The following NRXN1 variants were observed in gnomAD, a reference collection of about 807,000 sequenced individuals.
NRXN1 encodes the protein neurexin-1.
NRXN1 carries 39 observed loss-of-function variants against 150.9 expected under a neutral mutation model. The ratio of observed to expected loss-of-function variants is 0.26; its 90% confidence interval spans 0.20 to 0.34. The LOEUF (loss-of-function observed/expected upper bound fraction) is 0.34, where lower values mean the gene tolerates loss of function less well. Among genes scored for constraint, NRXN1 ranks in the 10% least tolerant of loss-of-function variants. The pLI is 1.00. For missense variants in NRXN1, 1,815 were observed against 1,949.9 expected, an observed-to-expected ratio of 0.93 and a Z score of 1.30; for synonymous variants, 924 against 757.0, an observed-to-expected ratio of 1.22 and a Z score of -3.62.
intron 15 of NRXN1, among the ~76,000 whole-genome samples, chr2:50,487,414 T>C (rs1352690526): frequency 6.6e-6 from 1 of 152,212 alleles, no homozygotes; most frequent in Non-Finnish European, 1.5e-5. Flanking sequence ...ATTCATGTGA[T>C]GTCAATGGGG....
chr2:50,614,640 A>AATAT lies in NRXN1; in HGVS notation c.1320+5378_1320+5381dup, dbSNP rs67833688. On this transcript the variant is annotated intron_variant, in intron 8 of 22. Coordinates refer to ENST00000401669, the MANE Select transcript of NRXN1 (RefSeq NM_001330078.2). ...ACCCTAGAACTTAAAGTATAATAAA[A>AATAT]ATATATATATATATATATAAAATAA... Among the ~76,000 whole-genome samples the AATAT allele has an allele frequency of 3.5e-4, 50 of 143,320 alleles. 1 individual carries two copies. Among genetic ancestry groups the AATAT allele is most frequent in the East Asian group, 2.2e-3 (11 of 4,944 alleles). The allele number at this position is 143,320 out of a possible 152,430, so 94.0% of individuals were successfully genotyped here.
chr2:50,514,639 T>A (rs2092571634), intron 12 of NRXN1, among the ~76,000 whole-genome samples: 1 of 152,192 alleles, frequency 6.6e-6, no homozygotes, highest in South Asian at 2.1e-4. Context: ...ACTTTACTAT[T>A]GCAATGTAAA....
intron 5 of NRXN1, among the ~76,000 whole-genome samples, chr2:50,689,486 C>G (rs1380212403): frequency 6.6e-6 from 1 of 152,126 alleles, no homozygotes; most frequent in Non-Finnish European, 1.5e-5. Flanking sequence ...CCTTTAAATT[C>G]TCTGTATAAA....
At chr2:50,565,588 G>A (rs1669722059) in intron 8 of NRXN1, among the ~76,000 whole-genome samples, 1 of 151,820 alleles carries the variant, frequency 6.6e-6, no homozygotes, top group Non-Finnish European at 1.5e-5. Context: ...AGTCCTAAAT[G>A]CACATATATA....
At chr2:50,808,351 A>G (rs1047674986) in intron 5 of NRXN1, among the ~76,000 whole-genome samples, 6 of 152,150 alleles carry the variant, frequency 3.9e-5, no homozygotes, top group African/African-American at 1.4e-4. Flanking sequence ...TTTTCTCAAA[A>G]GGCTAATATA....
Position 50,497,413 on chromosome 2 carries a change from G to T in NRXN1, c.2799C>A (p.Phe933Leu). Reference sequence around the variant, plus strand: ...TTAATCCATCTAGGGATGTTGTCTTGAACTGGAAAAAAAGATGCATAGAAG... The same window carrying T: ...TTAATCCATCTAGGGATGTTGTCTTTAACTGGAAAAAAAGATGCATAGAAG... ...AYTSMHLFFQ[F>L]KTTSLDGLIL... Residue 933 changes from phenylalanine to leucine, a missense_variant, in exon 14 of 23, where the codon TTC (phenylalanine) becomes TTA (leucine). This residue lies in a region of NRXN1 where 339 missense variants were observed against 440.3 expected (regional missense o/e 0.77). Coordinates refer to ENST00000401669, the MANE Select transcript of NRXN1 (RefSeq NM_001330078.2). 1 of 1,608,224 alleles carries T rather than the reference G, an allele frequency of 6.2e-7. No individual in the cohort carries two copies. Among genetic ancestry groups the T allele is most frequent in the Non-Finnish European group, 8.5e-7 (1 of 1,176,716 alleles).
At chr2:50,075,847 T>G (rs1338432578) in intron 19 of NRXN1, among the ~76,000 whole-genome samples, 1 of 151,430 alleles carries the variant, frequency 6.6e-6, no homozygotes, top group Non-Finnish European at 1.5e-5. Context: ...TACATGCACA[T>G]GACTTGGAGA....
intron 16 of NRXN1, among the ~76,000 whole-genome samples, chr2:50,467,260 G>C (rs2088986773): frequency 6.6e-6 from 1 of 151,548 alleles, no homozygotes; most frequent in African/African-American, 2.4e-5. Context: ...AACTGTTACA[G>C]TAAAACCTCA....
intron 12 of NRXN1, among the ~76,000 whole-genome samples, chr2:50,516,717 T>A (rs1037261276): frequency 2.0e-5 from 3 of 151,524 alleles, no homozygotes; most frequent in African/African-American, 7.3e-5. Flanking sequence ...GATATACCCT[T>A]GAGAACTATT....
chr2:50,016,718 A>C (rs543329240), intron 21 of NRXN1, among the ~76,000 whole-genome samples: 89 of 152,190 alleles, frequency 5.8e-4, no homozygotes, highest in African/African-American at 2.1e-3. Context: ...ACCTGGTCCC[A>C]CTCTTGACAT....
chr2:50,169,335 T>C (rs2059877872), intron 18 of NRXN1, among the ~76,000 whole-genome samples: 1 of 152,180 alleles, frequency 6.6e-6, no homozygotes, highest in African/African-American at 2.4e-5. Context: ...ATGGGTACCT[T>C]GCCCCAGTGG....
chr2:50,814,981 A>T (rs1439929866), intron 5 of NRXN1, among the ~76,000 whole-genome samples: 1 of 152,136 alleles, frequency 6.6e-6, no homozygotes. Flanking sequence ...CTATATAGAG[A>T]ATTCTTAGAA....
chr2:50,976,780 A>T (rs1203658272), intron 2 of NRXN1, among the ~76,000 whole-genome samples: 1 of 151,974 alleles, frequency 6.6e-6, no homozygotes, highest in African/African-American at 2.4e-5. Flanking sequence ...GTAAGATCAA[A>T]ATTGAGCATA....
Position 50,814,179 on chromosome 2 carries a change from T to C in NRXN1, c.832+107690A>G, listed in dbSNP as rs899565367. Among the ~76,000 whole-genome samples, 8 of 152,112 alleles carry C rather than the reference T, an allele frequency of 5.3e-5. 1 individual carries two copies. The highest frequency in any genetic ancestry group is 1.3e-4 in the Admixed American group (2 of 15,254). On this transcript the variant is annotated intron_variant, in intron 5 of 22. Coordinates refer to ENST00000401669, the MANE Select transcript of NRXN1 (RefSeq NM_001330078.2). The stretch of plus-strand genomic sequence containing the variant: ...TCTGTTTGTTTTTGTTTTTGTTTGG[T>C]AGAGGTAGCACCTCCCAGTGTTGCT...
chr2:49,985,947 T>C (rs1680835057), intron 21 of NRXN1, among the ~76,000 whole-genome samples: 1 of 152,234 alleles, frequency 6.6e-6, no homozygotes, highest in African/African-American at 2.4e-5. Flanking sequence ...CTTCATGGTA[T>C]GACCCAAGGA....
At chr2:50,908,049 T>C (rs1287894498) in intron 5 of NRXN1, among the ~76,000 whole-genome samples, 1 of 152,120 alleles carries the variant, frequency 6.6e-6, no homozygotes, top group African/African-American at 2.4e-5. Flanking sequence ...GACTTCCATG[T>C]AAAAATGTAT....
chr2:50,205,051 C>A (rs2062463496), intron 18 of NRXN1, among the ~76,000 whole-genome samples: 2 of 152,026 alleles, frequency 1.3e-5, no homozygotes, highest in Admixed American at 6.6e-5. Context: ...GGATATCAGT[C>A]CCACACAAAG....
At chr2:50,434,274 G>A (rs2085243655) in intron 17 of NRXN1, among the ~76,000 whole-genome samples, 1 of 151,528 alleles carries the variant, frequency 6.6e-6, no homozygotes, top group Non-Finnish European at 1.5e-5. Flanking sequence ...GGTAGAGACA[G>A]GGTTTCACCG....
chr2:50,674,740 T>TA (rs1399366088), intron 5 of NRXN1, among the ~76,000 whole-genome samples: 1 of 152,048 alleles, frequency 6.6e-6, no homozygotes, highest in African/African-American at 2.4e-5. Context: ...CTTGGGTGAA[T>TA]AATGGTGTAG....
Sources: allele counts gnomAD v4.1 joint callset (sites outside exome capture counted in the v4.1 genomes callset), GRCh38; gene constraint gnomAD v4.1.1; regional missense constraint gnomAD v4.1.1; transcripts MANE v1.5; gene names NCBI Gene and HGNC (gene_info 2026-07-23, HGNC 2026-07-21).